PPFIBP1: variants seen among roughly 807,000 people sequenced by gnomAD.
PPFIBP1 encodes liprin-beta-1.
A neutral mutation model predicts 137.8 loss-of-function variants in PPFIBP1; 112 were observed. The observed-to-expected ratio is 0.81, with a 90% CI of 0.70 to 0.95. The LOEUF (loss-of-function observed/expected upper bound fraction) is 0.95, where lower values mean the gene tolerates loss of function less well. PPFIBP1 is among the 40% of genes least tolerant of loss of function. PPFIBP1 has a pLI of 0.00. For missense variants in PPFIBP1, 1,083 were observed against 1,196.6 expected (o/e 0.91, Z 1.40); for synonymous variants, 378 against 417.3 (o/e 0.91, Z 1.15).
intron 2 of PPFIBP1, among the ~76,000 whole-genome samples, chr12:27,585,464 C>T (rs183972768): frequency 2.0e-5 from 3 of 152,326 alleles, no homozygotes; most frequent in Non-Finnish European, 2.9e-5. Context: ...ATGACATTCA[C>T]TTTCAGATGT....
intron 3 of PPFIBP1, among the ~76,000 whole-genome samples, chr12:27,634,270 AG>A (rs2057491788): frequency 6.6e-6 from 1 of 151,616 alleles, no homozygotes; most frequent in African/African-American, 2.4e-5. Context: ...GCTGTGCTCA[AG>A]CAATCTTCAC....
Position 27,627,682 on chromosome 12 carries a change from T to C in PPFIBP1, c.-35-5680T>C, listed in dbSNP as rs1210901108. ...TAGTCAGCAACCGTGCAAAAAATTATGGTGTCCTGCCAATGCTTTAGCCAC... is the reference window on the plus strand; with the variant it reads ...TAGTCAGCAACCGTGCAAAAAATTACGGTGTCCTGCCAATGCTTTAGCCAC... On this transcript the variant is annotated intron_variant, in intron 2 of 29. Coordinates refer to ENST00000228425, the MANE Select transcript of PPFIBP1 (RefSeq NM_003622.4). 2.6e-5 allele frequency among the ~76,000 whole-genome samples: 4 copies of C among 152,188 alleles called. No individual in the cohort carries two copies. The East Asian group carries it at 7.7e-4, about 29-fold the overall frequency.
Position 27,542,783 on chromosome 12 carries a change from C to T in PPFIBP1, c.-124+18418C>T, listed in dbSNP as rs539182214. The stretch of plus-strand genomic sequence containing the variant: ...TCAAATCCTTATGCTTAGAGAATTG[C>T]GTGATGACTCCTCAGCTTAGGATTG... On this transcript the variant is annotated intron_variant, in intron 1 of 29. Transcript: ENST00000228425. Among the ~76,000 whole-genome samples, 91 of 152,162 alleles carry T rather than the reference C, an allele frequency of 6.0e-4. 3 individuals are homozygous for T. The South Asian group carries it at 0.018, about 30-fold the overall frequency.
chr12:27,633,225 C>A (rs1341302610), intron 2 of PPFIBP1, 137 bp from the exon 3 acceptor site: 1 of 620,294 alleles, frequency 1.6e-6, no homozygotes, highest in Non-Finnish European at 2.9e-6. Context: ...TGATTGGCCA[C>A]AGCTTGCTAC....
At chr12:27,653,246 T>C (rs1201850925) in intron 7 of PPFIBP1, among the ~76,000 whole-genome samples, 2 of 152,158 alleles carry the variant, frequency 1.3e-5, no homozygotes, top group African/African-American at 2.4e-5. Flanking sequence ...TTTTGTCCTG[T>C]AGTCTATGAA....
chr12:27,676,798 T>G, intron 18 of PPFIBP1, 199 bp downstream of exon 18: 1 of 692,342 alleles, frequency 1.4e-6, no homozygotes, highest in South Asian at 1.8e-5. Context: ...CTCACCCTGC[T>G]CTCTCCTGTG....
chr12:27,578,300 C>G (rs1030811610), intron 2 of PPFIBP1, 61 bp downstream of exon 2: 5 of 152,312 alleles, frequency 3.3e-5, no homozygotes, highest in Admixed American at 3.3e-4. Flanking sequence ...GCAATTTCCT[C>G]TCAGTGTGTG....
chr12:27,582,170 G>C (rs1220059357), intron 2 of PPFIBP1, among the ~76,000 whole-genome samples: 1 of 152,048 alleles, frequency 6.6e-6, no homozygotes, highest in Admixed American at 6.6e-5. Context: ...ACTGTAGACA[G>C]AGGAAGAGTT....
rs763590286 is a variant in PPFIBP1, at chr12:27,677,108, C to T, written c.1615+12C>T. 2 of 1,613,726 alleles carry T rather than the reference C, an allele frequency of 1.2e-6. No individual in the cohort carries two copies. Among genetic ancestry groups the T allele is most frequent in the African/African-American group, 2.7e-5 (2 of 74,932 alleles). On this transcript the variant is annotated intron_variant, in intron 19 of 29. Coordinates refer to ENST00000228425, the MANE Select transcript of PPFIBP1 (RefSeq NM_003622.4). ...TGCACCCACCCTAGGTATTGTACCC[C>T]TGCATGCCAGCCTTCACCAGCACTG...
At chr12:27,646,177 C>A (rs755129665) in intron 5 of PPFIBP1, 29 bp downstream of exon 5, 1 of 1,528,882 alleles carries the variant, frequency 6.5e-7, no homozygotes, top group Non-Finnish European at 9.0e-7. Context: ...CTGTTCTTTC[C>A]TTGCAGCATA....
At chr12:27,619,431 A>T (rs905498740) in intron 2 of PPFIBP1, among the ~76,000 whole-genome samples, 1 of 152,110 alleles carries the variant, frequency 6.6e-6, no homozygotes, top group Non-Finnish European at 1.5e-5. Flanking sequence ...GAATCCACTG[A>T]TGATGCACCC....
At chr12:27,613,337 T>C (rs1445268081) in intron 2 of PPFIBP1, among the ~76,000 whole-genome samples, 8 of 152,226 alleles carry the variant, frequency 5.3e-5, no homozygotes, top group Non-Finnish European at 7.3e-5. Context: ...TAAATTCCAA[T>C]ATCTGAATTG....
intron 1 of PPFIBP1, among the ~76,000 whole-genome samples, chr12:27,540,902 G>A (rs140593952): frequency 5.9e-5 from 9 of 152,186 alleles, no homozygotes; most frequent in South Asian, 2.1e-4. Flanking sequence ...ACTCTAGTTC[G>A]TGTATTTCAC....
chr12:27,688,116 C>A, intron 25 of PPFIBP1, 182 bp from the exon 26 acceptor site: 1 of 655,020 alleles, frequency 1.5e-6, no homozygotes, highest in Non-Finnish European at 2.5e-6. Flanking sequence ...TTTCCTAAAG[C>A]AATGCTTTAT....
chr12:27,660,851 C>A (rs1455924102), intron 10 of PPFIBP1, 33 bp from the exon 11 acceptor site: 1 of 1,608,790 alleles, frequency 6.2e-7, no homozygotes, highest in South Asian at 1.1e-5. Context: ...CACATGTGAA[C>A]TGAACTGACT....
intron 24 of PPFIBP1, among the ~76,000 whole-genome samples, chr12:27,684,395 C>G (rs1302285815): frequency 1.3e-5 from 2 of 152,192 alleles, no homozygotes; most frequent in Non-Finnish European, 2.9e-5. Context: ...AGGCGTGAGC[C>G]ACTGTGCCCG....
chr12:27,589,709 T>C (rs1010807172), intron 2 of PPFIBP1, among the ~76,000 whole-genome samples: 19 of 152,206 alleles, frequency 1.2e-4, no homozygotes, highest in Admixed American at 6.5e-5. Flanking sequence ...GTGTAGACAG[T>C]CTTCTAAAGT....
intron 2 of PPFIBP1, among the ~76,000 whole-genome samples, chr12:27,591,410 C>G (rs1182285185): frequency 6.6e-6 from 1 of 151,980 alleles, no homozygotes; most frequent in Non-Finnish European, 1.5e-5. Flanking sequence ...TTCAGTGGAA[C>G]GTTCAATGAC....
chr12:27,592,208 C>T (rs1014160488), intron 2 of PPFIBP1, among the ~76,000 whole-genome samples: 2 of 152,180 alleles, frequency 1.3e-5, no homozygotes, highest in African/African-American at 4.8e-5. Context: ...GAGCTGTCGT[C>T]CTTTCTGTCA....
Sources: gnomAD v4.1 joint callset for allele counts (sites outside exome capture counted in the v4.1 genomes callset) on GRCh38, gnomAD v4.1.1 for gene constraint, MANE v1.5 for transcripts, NCBI Gene and HGNC (gene_info 2026-07-23, HGNC 2026-07-21) for gene names.